SERPING1: variants seen among roughly 807,000 people sequenced by gnomAD.
SERPING1 encodes the protein serpin family G member 1, also known as plasma protease C1 inhibitor.
SERPING1 carries 5 observed loss-of-function variants against 34.1 expected under a neutral mutation model. The ratio of observed to expected loss-of-function variants is 0.15; its 90% CI spans 0.08 to 0.31. The LOEUF (loss-of-function observed/expected upper bound fraction) is 0.31, where lower values mean the gene tolerates loss of function less well. Among genes scored for constraint, SERPING1 ranks in the 10% least tolerant of loss-of-function variants. SERPING1 has a pLI of 1.00. For missense variants in SERPING1, 505 were observed against 609.5 expected, an observed-to-expected ratio of 0.83 and a Z score of 1.81; for synonymous variants, 225 against 242.4, an observed-to-expected ratio of 0.93 and a Z score of 0.67.
intron 7 of SERPING1, among the ~76,000 whole-genome samples, chr11:57,612,653 G>A (rs1039392727): frequency 3.9e-5 from 6 of 152,094 alleles, no homozygotes; most frequent in Admixed American, 1.3e-4. Flanking sequence ...TCCGGACCTT[G>A]TGATCCACCT....
rs752588879 is a variant in SERPING1, at chr11:57,606,561, C to T, written c.1029+14C>T. On this transcript the variant is annotated intron_variant, in intron 6 of 7. Coordinates refer to ENST00000278407, the MANE Select transcript of SERPING1 (RefSeq NM_000062.3). ...TTGAAAGCCAAGGTAAGTTCTTAAC[C>T]TTTCCTTCTCCTGTTTGAAACCTAC... 6.2e-7 allele frequency: 1 copy of T among 1,613,708 alleles called. No homozygotes were observed. Among genetic ancestry groups the T allele is most frequent in the African/African-American group, 1.3e-5 (1 of 74,880 alleles).
chr11:57,598,625 C>G (rs986449461), intron 2 of SERPING1, among the ~76,000 whole-genome samples: 3 of 152,152 alleles, frequency 2.0e-5, no homozygotes, highest in Non-Finnish European at 4.4e-5. Context: ...AGATCCCACC[C>G]TGTCCACCAA....
At chr11:57,607,813 C>T (rs1945428316) in intron 6 of SERPING1, among the ~76,000 whole-genome samples, 1 of 152,204 alleles carries the variant, frequency 6.6e-6, no homozygotes, top group Non-Finnish European at 1.5e-5. Flanking sequence ...GAGCCCGCCA[C>T]CACACCTGGC....
chr11:57,606,670 C>A, intron 6 of SERPING1, 123 bp downstream of exon 6: 2 of 1,002,974 alleles, frequency 2.0e-6, no homozygotes, highest in Non-Finnish European at 1.6e-6. Flanking sequence ...CTCCTTCCAT[C>A]TGTATTTCCA....
intron 4 of SERPING1, among the ~76,000 whole-genome samples, chr11:57,602,961 G>A (rs1945368013): frequency 6.6e-6 from 1 of 151,524 alleles, no homozygotes; most frequent in Non-Finnish European, 1.5e-5. Context: ...GGCTGGGCAT[G>A]GTGGCTCACA....
chr11:57,603,503 C>T (rs1475819575), intron 4 of SERPING1, among the ~76,000 whole-genome samples: 3 of 150,098 alleles, frequency 2.0e-5, no homozygotes, highest in African/African-American at 2.5e-5. Context: ...GCCGAGATCG[C>T]GCCACTGCAC....
intron 6 of SERPING1, chr11:57,611,390 AT>A: frequency 2.4e-6 from 1 of 420,216 alleles, no homozygotes; most frequent in Non-Finnish European, 4.5e-6. Context: ...GCTATATACT[AT>A]ATGCACAACA....
In SERPING1 at chr11:57,599,932, G is replaced by A; in HGVS notation, c.105G>A (p.Glu35=). ...NATSSSSQDP[E]SLQDRGEGKV... ...CCAGCTCCAGCTCCCAGGATCCAGA[G>A]AGTTTGCAAGACAGAGGCGAAGGGA... The change falls in exon 3 of 8, where the codon GAG becomes GAA. Residue 35 remains glutamate, a synonymous_variant. Transcript: ENST00000278407. 6.2e-7 allele frequency: 1 copy of A among 1,614,172 alleles called. No individual in the cohort carries two copies. The highest frequency in any genetic ancestry group is 8.5e-7 in the Non-Finnish European group (1 of 1,180,050).
In SERPING1 at chr11:57,598,269, A is replaced by G; in HGVS notation, c.-2A>G. On this transcript the variant is annotated 5_prime_UTR_variant, in exon 2 of 8. Transcript: ENST00000278407. ...CGCAGGTCCGCTGACGTCGCCGCCC[A>G]GATGGCCTCCAGGCTGACCCTGCTG... 1.3e-6 allele frequency: 2 copies of G among 1,552,694 alleles called. No individual in the cohort carries two copies. The highest frequency in any genetic ancestry group is 4.8e-5 in the East Asian group (2 of 41,550).
chr11:57,604,322 T>C (rs1246264350), intron 4 of SERPING1, among the ~76,000 whole-genome samples: 1 of 152,190 alleles, frequency 6.6e-6, no homozygotes. Context: ...TATTATGTTA[T>C]TAAGTAGGTA....
At chr11:57,601,216 T>C (rs1945344458) in intron 3 of SERPING1, among the ~76,000 whole-genome samples, 1 of 151,858 alleles carries the variant, frequency 6.6e-6, no homozygotes, top group Non-Finnish European at 1.5e-5. Flanking sequence ...CTGACTAACA[T>C]GGTGAAACCC....
At chr11:57,598,568 C>T (rs957187780) in intron 2 of SERPING1, among the ~76,000 whole-genome samples, 1 of 152,164 alleles carries the variant, frequency 6.6e-6, no homozygotes, top group Non-Finnish European at 1.5e-5. Flanking sequence ...CTGAGGACGT[C>T]ACTTTTCTCA....
chr11:57,598,414 G>T (rs1945312388), intron 2 of SERPING1, 93 bp downstream of exon 2: 2 of 1,262,350 alleles, frequency 1.6e-6, no homozygotes, highest in African/African-American at 3.0e-5. Context: ...AACCCTTCAG[G>T]CTCCGGGGAA....
Position 57,598,767 on chromosome 11 carries a change from G to C in SERPING1, c.51+446G>C, listed in dbSNP as rs1204509295. 2.0e-5 allele frequency among the ~76,000 whole-genome samples: 3 copies of C among 152,186 alleles called. No individual in the cohort carries two copies. In the South Asian group the frequency reaches 6.2e-4, roughly 32 times the overall value. On this transcript the variant is annotated intron_variant, in intron 2 of 7. Coordinates refer to ENST00000278407, the MANE Select transcript of SERPING1 (RefSeq NM_000062.3). ...TGCTGTGACACAGACGGTGGTCCCA[G>C]GCTAGGGCCTGTGAAGACAGGGAAG...
chr11:57,605,882 C>A, intron 4 of SERPING1, 128 bp from the exon 5 acceptor site: 1 of 912,940 alleles, frequency 1.1e-6, no homozygotes, highest in Non-Finnish European at 1.8e-6. Context: ...GGCTGGACCG[C>A]GCTCCACCAT....
intron 6 of SERPING1, among the ~76,000 whole-genome samples, chr11:57,606,951 G>A (rs1011903896): frequency 5.9e-5 from 9 of 152,236 alleles, no homozygotes; most frequent in Middle Eastern, 3.4e-3. Flanking sequence ...CCTTGTATAT[G>A]CATATATGTG....
intron 4 of SERPING1, among the ~76,000 whole-genome samples, chr11:57,604,491 T>C (rs1019868400): frequency 2.0e-5 from 3 of 152,020 alleles, no homozygotes; most frequent in Non-Finnish European, 4.4e-5. Flanking sequence ...CACCACTTCC[T>C]GTGAGAGGGA....
chr11:57,611,183 G>C (rs567472367), intron 6 of SERPING1: 1 of 162,698 alleles, frequency 6.1e-6, no homozygotes, highest in African/African-American at 2.4e-5. Context: ...CGCCCACCTC[G>C]GCCTCCCAAA....
Position 57,611,898 on chromosome 11 carries a change from C to G in SERPING1, c.1211C>G (p.Thr404Arg), listed in dbSNP as rs373751057. 2.5e-5 allele frequency: 40 copies of G among 1,614,126 alleles called. No individual in the cohort carries two copies. Among genetic ancestry groups the G allele is most frequent in the Non-Finnish European group, 3.4e-5 (40 of 1,180,028 alleles). The change falls in exon 7 of 8, where the codon ACG becomes AGG. Residue 404 changes from threonine to arginine, a missense_variant. Thr to Arg is a moderately conservative substitution (Grantham distance 71, BLOSUM62 -1). Coordinates refer to ENST00000278407, the MANE Select transcript of SERPING1 (RefSeq NM_000062.3). ...TLLTLPRIKV[T>R]TSQDMLSIME... is the part of the protein sequence containing the mutation. ...CTAACACTACCCCGCATCAAAGTGA[C>G]GACCAGCCAGGATATGCTCTCAATC...
Sources: gnomAD v4.1 joint callset for allele counts (sites outside exome capture counted in the v4.1 genomes callset) on GRCh38, gnomAD v4.1.1 for gene constraint, MANE v1.5 for transcripts, NCBI Gene and HGNC (gene_info 2026-07-23, HGNC 2026-07-21) for gene names.